The following RBMS2 variants were observed in gnomAD, a reference collection of about 807,000 sequenced individuals.
RBMS2 encodes the protein RNA binding motif single stranded interacting protein 2.
A neutral mutation model predicts 58.4 loss-of-function variants in RBMS2; 38 were observed. The ratio of observed to expected loss-of-function variants is 0.65; its 90% CI spans 0.50 to 0.85. The LOEUF (loss-of-function observed/expected upper bound fraction) is 0.85. RBMS2 is among the 40% of genes least tolerant of loss of function. The pLI, the probability that RBMS2 is intolerant of heterozygous loss-of-function variation, is 0.00. For missense variants in RBMS2, 367 were observed against 503.7 expected, an observed-to-expected ratio of 0.73 and a Z score of 2.60; for synonymous variants, 151 against 180.7, an observed-to-expected ratio of 0.84 and a Z score of 1.32.
At chr12:56,565,472 C>A (rs1390664646) in intron 2 of RBMS2, among the ~76,000 whole-genome samples, 5 of 151,572 alleles carry the variant, frequency 3.3e-5, no homozygotes, top group Non-Finnish European at 7.4e-5. Context: ...CCCACAGATA[C>A]AGAGGGATTT....
Position 56,562,594 on chromosome 12 carries a change from G to A in RBMS2, c.233+11G>A. 6.2e-7 allele frequency: 1 copy of A among 1,609,624 alleles called. No homozygotes were observed. The highest frequency in any genetic ancestry group is 8.5e-7 in the Non-Finnish European group (1 of 1,175,966). On this transcript the variant is annotated intron_variant, in intron 2 of 13. Transcript: ENST00000262031. ...CAAGCTGTGTCAGCCGTAAGTTGGA[G>A]TACATGTGCGTAGGCTTCCAGGGAC...
In RBMS2 at chr12:56,592,074, C is replaced by G. The variant is rs1885343022; in HGVS notation, c.*2941C>G. On this transcript the variant is annotated 3_prime_UTR_variant, in exon 14 of 14. Coordinates refer to ENST00000262031, the MANE Select transcript of RBMS2 (RefSeq NM_002898.4). ...AGAAGAAAGGAGGGATACTGTTTCT[C>G]CCATGAAATAGTCTAATTGGTTGGG... is the stretch of plus-strand genomic sequence containing the variant. The G allele has an allele frequency of 6.6e-6, 1 of 152,092 alleles. No individual in the cohort carries two copies. The highest frequency in any genetic ancestry group is 1.5e-5 in the Non-Finnish European group (1 of 68,028). The allele number at this position is 152,092 out of a possible 1,614,324, so 9.4% of individuals were successfully genotyped here.
chr12:56,545,714 G>GC (rs1467754047), intron 1 of RBMS2, among the ~76,000 whole-genome samples: 1 of 152,080 alleles, frequency 6.6e-6, no homozygotes, highest in African/African-American at 2.4e-5. Context: ...CTGTCTCTTT[G>GC]CATAATGTTA....
intron 1 of RBMS2, among the ~76,000 whole-genome samples, chr12:56,558,460 G>A (rs1208706275): frequency 1.3e-5 from 2 of 150,420 alleles, no homozygotes; most frequent in Admixed American, 6.7e-5. Flanking sequence ...ATAGATGAAC[G>A]CCAACTGAGG....
At chr12:56,535,956 G>T (rs960399810) in intron 1 of RBMS2, among the ~76,000 whole-genome samples, 3 of 152,024 alleles carry the variant, frequency 2.0e-5, no homozygotes, top group African/African-American at 7.2e-5. Flanking sequence ...TAGCACTTTG[G>T]GAGGCCAAGG....
intron 1 of RBMS2, among the ~76,000 whole-genome samples, chr12:56,552,772 G>A (rs1185580552): frequency 6.6e-6 from 1 of 151,902 alleles, no homozygotes; most frequent in African/African-American, 2.4e-5. Flanking sequence ...AGCCTGGGAG[G>A]TCAAGGCTGC....
chr12:56,565,172 AT>A (rs1359716220), intron 2 of RBMS2, among the ~76,000 whole-genome samples: 1 of 152,182 alleles, frequency 6.6e-6, no homozygotes, highest in Non-Finnish European at 1.5e-5. Context: ...TTAGGGAATA[AT>A]GACAAGAAAA....
intron 2 of RBMS2, among the ~76,000 whole-genome samples, chr12:56,566,742 C>T (rs1479811598): frequency 2.0e-5 from 3 of 151,758 alleles, no homozygotes; most frequent in East Asian, 1.9e-4. Flanking sequence ...CGCTTGAACC[C>T]GGGAGGCGGA....
intron 4 of RBMS2, among the ~76,000 whole-genome samples, chr12:56,571,050 A>G (rs1439924411): frequency 6.6e-6 from 1 of 152,230 alleles, no homozygotes; most frequent in Non-Finnish European, 1.5e-5. Context: ...TTAAATTCTT[A>G]AAAATACAAC....
chr12:56,560,325 C>T (rs4759251), intron 1 of RBMS2, among the ~76,000 whole-genome samples: 105,762 of 151,054 alleles, frequency 0.7, 39,584 homozygotes, highest in East Asian at 0.83. Flanking sequence ...GGTGCAGTCT[C>T]GGCTCACTGC....
At chr12:56,583,859 G>A (rs1884309668) in intron 9 of RBMS2, among the ~76,000 whole-genome samples, 1 of 152,130 alleles carries the variant, frequency 6.6e-6, no homozygotes, top group African/African-American at 2.4e-5. Context: ...AAAACTCCAT[G>A]TAAGTATTAA....
intron 1 of RBMS2, among the ~76,000 whole-genome samples, chr12:56,558,334 C>CTGCGCCTGGCCTTTTTTTTTTTTTTGAGA (rs1409308114): frequency 1.4e-5 from 2 of 144,826 alleles, no homozygotes; most frequent in Non-Finnish European, 3.0e-5. Flanking sequence ...GCGTGAGCCA[C>CTGCGCCTGGCCTTTTTTTTTTTTTTGAGA]CAGCTGCCTC....
At chr12:56,582,994 A>G (rs1412591152) in intron 9 of RBMS2, among the ~76,000 whole-genome samples, 1 of 152,112 alleles carries the variant, frequency 6.6e-6, no homozygotes, top group Non-Finnish European at 1.5e-5. Flanking sequence ...ATTCTGTTGC[A>G]GCTAATGTTG....
intron 1 of RBMS2, among the ~76,000 whole-genome samples, chr12:56,537,645 G>A (rs921911944): frequency 3.3e-5 from 5 of 152,140 alleles, no homozygotes; most frequent in Non-Finnish European, 5.9e-5. Context: ...GAATAATGTT[G>A]CTATGAACTT....
intron 1 of RBMS2, among the ~76,000 whole-genome samples, chr12:56,543,291 T>C (rs1436852653): frequency 6.6e-6 from 1 of 151,538 alleles, no homozygotes; most frequent in East Asian, 2.0e-4. Context: ...GAGACCAGCC[T>C]GGCCAACATG....
At chr12:56,581,105 G>A in intron 5 of RBMS2, 79 bp from the exon 6 acceptor site, 3 of 1,209,542 alleles carry the variant, frequency 2.5e-6, no homozygotes, top group Non-Finnish European at 3.7e-6. Flanking sequence ...TGGGAACTTA[G>A]AGCTTTGCTT....
At chr12:56,570,530 C>G (rs1042401701) in intron 4 of RBMS2, among the ~76,000 whole-genome samples, 1 of 152,146 alleles carries the variant, frequency 6.6e-6, no homozygotes, top group Non-Finnish European at 1.5e-5. Flanking sequence ...GCTTTTCTCT[C>G]ACTTCTTCTG....
chr12:56,571,252 C>G (rs1882247938), intron 4 of RBMS2, among the ~76,000 whole-genome samples: 1 of 152,176 alleles, frequency 6.6e-6, no homozygotes, highest in Non-Finnish European at 1.5e-5. Flanking sequence ...TTCCCTTCTC[C>G]CCTCCTCCTG....
intron 1 of RBMS2, among the ~76,000 whole-genome samples, chr12:56,523,764 A>G (rs1872167783): frequency 6.6e-6 from 1 of 152,252 alleles, no homozygotes; most frequent in African/African-American, 2.4e-5. Flanking sequence ...CATCTCAAAA[A>G]GAAATGAAAT....
Sources: allele counts gnomAD v4.1 joint callset (sites outside exome capture counted in the v4.1 genomes callset), GRCh38; gene constraint gnomAD v4.1.1; transcripts MANE v1.5; gene names NCBI Gene and HGNC (gene_info 2026-07-23, HGNC 2026-07-21).